LDB2: variants seen among roughly 807,000 people sequenced by gnomAD.
LDB2 encodes LIM domain binding 2.
In LDB2, 12 loss-of-function variants were observed where a neutral mutation model predicts 44.3. That is an observed-to-expected ratio of 0.27 (90% CI 0.17 to 0.44). The LOEUF is 0.44. LDB2 is among the 20% of genes least tolerant of loss of function. The pLI, the probability that LDB2 is intolerant of heterozygous loss-of-function variation, is 1.00. For missense variants in LDB2, 344 were observed against 473.5 expected (o/e 0.73, Z 2.54); for synonymous variants, 164 against 174.8 (o/e 0.94, Z 0.49).
intron 1 of LDB2, among the ~76,000 whole-genome samples, chr4:16,803,031 G>C (rs903049100): frequency 1.3e-5 from 2 of 152,170 alleles, no homozygotes; most frequent in Non-Finnish European, 2.9e-5. Context: ...TCATGGCTTA[G>C]AAGAAAGGCT....
At chr4:16,654,664 G>A (rs1307062356) in intron 2 of LDB2, among the ~76,000 whole-genome samples, 1 of 152,156 alleles carries the variant, frequency 6.6e-6, no homozygotes, top group East Asian at 1.9e-4. Flanking sequence ...TATCTTAAGA[G>A]ATAAATGTAG....
chr4:16,638,546 T>C (rs1734241184), intron 2 of LDB2, among the ~76,000 whole-genome samples: 1 of 152,186 alleles, frequency 6.6e-6, no homozygotes, highest in Non-Finnish European at 1.5e-5. Context: ...AAAAATGAAA[T>C]GGAGATAGGC....
At chr4:16,641,519 CAGA>C (rs759163279) in intron 2 of LDB2, among the ~76,000 whole-genome samples, 5 of 152,066 alleles carry the variant, frequency 3.3e-5, no homozygotes, top group Non-Finnish European at 5.9e-5. Flanking sequence ...TTACTCATGG[CAGA>C]AGGTGAAGCA....
chr4:16,633,815 G>A (rs937084530), intron 2 of LDB2, among the ~76,000 whole-genome samples: 3 of 152,028 alleles, frequency 2.0e-5, no homozygotes, highest in Non-Finnish European at 2.9e-5. Context: ...GACAATCCTG[G>A]TCAAGAAGAA....
intron 1 of LDB2, among the ~76,000 whole-genome samples, chr4:16,869,958 T>A (rs565648601): frequency 2.6e-5 from 4 of 152,306 alleles, no homozygotes; most frequent in African/African-American, 9.6e-5. Context: ...TTCTTAGCCA[T>A]GTATCTCAGT....
chr4:16,783,080 C>T lies in LDB2; in HGVS notation c.133-23820G>A, dbSNP rs544224040. ...CTTCAAAGATGTGAAGAATTTGAGG[C>T]GTACAGGCAGCAGGACAGCTAGTGC... On this transcript the variant is annotated intron_variant, in intron 1 of 7. Coordinates refer to ENST00000304523, the MANE Select transcript of LDB2 (RefSeq NM_001290.5). Among the ~76,000 whole-genome samples, 8 of 152,244 alleles carry T rather than the reference C, an allele frequency of 5.3e-5. No homozygotes were observed. In the South Asian group the frequency reaches 1.2e-3, roughly 24 times the overall value.
At chr4:16,656,502 C>T (rs1739899325) in intron 2 of LDB2, among the ~76,000 whole-genome samples, 1 of 152,156 alleles carries the variant, frequency 6.6e-6, no homozygotes, top group Non-Finnish European at 1.5e-5. Flanking sequence ...CACTGAGGAA[C>T]TGAATTTAAA....
chr4:16,803,625 C>A (rs540180571), intron 1 of LDB2, among the ~76,000 whole-genome samples: 6 of 152,182 alleles, frequency 3.9e-5, no homozygotes, highest in Admixed American at 2.6e-4. Flanking sequence ...AATTTTTCAA[C>A]CATATATCAT....
chr4:16,824,681 A>T lies in LDB2; in HGVS notation c.133-65421T>A, dbSNP rs573664473. Among the ~76,000 whole-genome samples, 58 of 152,384 alleles carry T rather than the reference A, an allele frequency of 3.8e-4. No homozygotes were observed. The South Asian group carries it at 0.011, about 30-fold the overall frequency. ...CATAACTGTTAAACTCCCTGGTTCT[A>T]CACACTCTCCTCACTGGCAAAGTTT... On this transcript the variant is annotated intron_variant, in intron 1 of 7. Transcript: ENST00000304523.
intron 5 of LDB2, among the ~76,000 whole-genome samples, chr4:16,578,050 T>A (rs1243352950): frequency 6.6e-6 from 1 of 152,126 alleles, no homozygotes; most frequent in African/African-American, 2.4e-5. Flanking sequence ...TCTCACCATA[T>A]ACAAAAATCA....
intron 1 of LDB2, among the ~76,000 whole-genome samples, chr4:16,851,060 C>T (rs1788137152): frequency 6.6e-6 from 1 of 150,916 alleles, no homozygotes; most frequent in Non-Finnish European, 1.5e-5. Context: ...AGAAAATATC[C>T]ACAATTATGA....
At chr4:16,677,544 T>C (rs968270118) in intron 2 of LDB2, among the ~76,000 whole-genome samples, 1 of 152,150 alleles carries the variant, frequency 6.6e-6, no homozygotes, top group Admixed American at 6.6e-5. Flanking sequence ...CCTAGCAGCA[T>C]TGGCTCTGCT....
chr4:16,735,617 A>G, intron 2 of LDB2, among the ~76,000 whole-genome samples: 1 of 152,006 alleles, frequency 6.6e-6, no homozygotes, highest in East Asian at 1.9e-4. Flanking sequence ...GGCAAACACT[A>G]CCTTAACCGA....
At chr4:16,871,621 C>CTT (rs369989468) in intron 1 of LDB2, among the ~76,000 whole-genome samples, 12,117 of 124,692 alleles carry the variant, frequency 0.097, 1,469 homozygotes, top group African/African-American at 0.27. Flanking sequence ...ACCACTCTTT[C>CTT]TTTTTTTTTT....
chr4:16,673,027 T>G (rs374808420), intron 2 of LDB2, among the ~76,000 whole-genome samples: 1 of 152,028 alleles, frequency 6.6e-6, no homozygotes, highest in South Asian at 2.1e-4. Context: ...GTTCCTTCTC[T>G]CTTTCTTCCC....
intron 2 of LDB2, among the ~76,000 whole-genome samples, chr4:16,717,407 C>T (rs1757306292): frequency 1.3e-5 from 2 of 152,126 alleles, no homozygotes; most frequent in South Asian, 4.2e-4. Flanking sequence ...CCCAATCATA[C>T]CCCCTCCTGC....
chr4:16,681,145 C>G (rs916506181), intron 2 of LDB2, among the ~76,000 whole-genome samples: 4 of 151,976 alleles, frequency 2.6e-5, no homozygotes, highest in South Asian at 2.1e-4. Context: ...TTACATGAAC[C>G]CTTTAAAAAC....
chr4:16,742,724 T>G (rs953542264), intron 2 of LDB2, among the ~76,000 whole-genome samples: 3 of 152,154 alleles, frequency 2.0e-5, no homozygotes, highest in Admixed American at 6.5e-5. Flanking sequence ...CCATCACCTT[T>G]TCTATAGATT....
chr4:16,615,102 C>A (rs12641485), intron 2 of LDB2, among the ~76,000 whole-genome samples: 50,518 of 130,156 alleles, frequency 0.39, 9,282 homozygotes, highest in East Asian at 0.6. Flanking sequence ...AGTCAAGAAA[C>A]AATAGATGCT....
Sources: allele counts gnomAD v4.1 joint callset (sites outside exome capture counted in the v4.1 genomes callset), GRCh38; gene constraint gnomAD v4.1.1; transcripts MANE v1.5; gene names NCBI Gene and HGNC (gene_info 2026-07-23, HGNC 2026-07-21).